The following CTNNA3 variants were observed in gnomAD, a reference collection of about 807,000 sequenced individuals.
CTNNA3 encodes the protein catenin alpha-3.
Under a neutral mutation model 95.7 loss-of-function variants are expected in CTNNA3, and 76 were observed. That is an observed-to-expected ratio of 0.79 (90% CI 0.66 to 0.96). The LOEUF (loss-of-function observed/expected upper bound fraction) is 0.96. Ranked by LOEUF, CTNNA3 falls within the 40% of genes least tolerant of loss-of-function variation. CTNNA3 has a pLI of 0.00. For synonymous variants in CTNNA3, 431 were observed against 374.4 expected, an observed-to-expected ratio of 1.15 and a Z score of -1.74; for missense variants, 1,191 against 1,089.8, an observed-to-expected ratio of 1.09 and a Z score of -1.31.
intron 2 of CTNNA3, among the ~76,000 whole-genome samples, chr10:67,622,517 T>G (rs1190775150): frequency 6.6e-6 from 1 of 152,188 alleles, no homozygotes; most frequent in Non-Finnish European, 1.5e-5. Context: ...GGAAGCAAGC[T>G]GAGAAGAGGT....
intron 7 of CTNNA3, among the ~76,000 whole-genome samples, chr10:67,136,755 C>T (rs1860324505): frequency 6.6e-6 from 1 of 152,140 alleles, no homozygotes; most frequent in Admixed American, 6.5e-5. Flanking sequence ...AATCTATGAA[C>T]CCAGCACAAG....
intron 6 of CTNNA3, among the ~76,000 whole-genome samples, chr10:67,198,986 G>A (rs1432311137): frequency 2.0e-5 from 3 of 151,894 alleles, no homozygotes; most frequent in African/African-American, 7.3e-5. Context: ...GGAGGAGGGG[G>A]AGATGGAGGA....
intron 14 of CTNNA3, among the ~76,000 whole-genome samples, chr10:66,101,994 G>A (rs1223491387): frequency 6.6e-6 from 1 of 151,982 alleles, no homozygotes; most frequent in African/African-American, 2.4e-5. Flanking sequence ...TTAAGGAAAT[G>A]TGCACTAACA....
intron 3 of CTNNA3, among the ~76,000 whole-genome samples, chr10:67,541,911 G>GAATACTGTC (rs1840695774): frequency 6.6e-6 from 1 of 151,992 alleles, no homozygotes; most frequent in Admixed American, 6.6e-5. Flanking sequence ...AGCCTTTTTA[G>GAATACTGTC]AATACTGTCT....
intron 5 of CTNNA3, among the ~76,000 whole-genome samples, chr10:67,418,433 A>G (rs1408616053): frequency 1.3e-5 from 2 of 152,118 alleles, no homozygotes; most frequent in Non-Finnish European, 2.9e-5. Flanking sequence ...CAAGATAAGA[A>G]ATCAACCTGT....
intron 5 of CTNNA3, among the ~76,000 whole-genome samples, chr10:67,441,086 T>G (rs183605431): frequency 6.6e-6 from 1 of 152,022 alleles, no homozygotes; most frequent in African/African-American, 2.4e-5. Context: ...TTCCATCAGA[T>G]AAATTTAACA....
chr10:66,921,482 C>T (rs1473248312), intron 7 of CTNNA3, among the ~76,000 whole-genome samples: 1 of 152,196 alleles, frequency 6.6e-6, no homozygotes, highest in African/African-American at 2.4e-5. Flanking sequence ...TCATCCAAAG[C>T]CCTCCATGAC....
intron 3 of CTNNA3, among the ~76,000 whole-genome samples, chr10:67,588,163 T>TA (rs1250137694): frequency 6.6e-6 from 1 of 150,736 alleles, no homozygotes; most frequent in Non-Finnish European, 1.5e-5. Flanking sequence ...CGAGCTTCCT[T>TA]AAAATCAGTA....
chr10:67,597,251 T>C (rs1287360200), intron 3 of CTNNA3, among the ~76,000 whole-genome samples: 1 of 152,202 alleles, frequency 6.6e-6, no homozygotes, highest in Non-Finnish European at 1.5e-5. Flanking sequence ...AATTCTGAAT[T>C]CTATGCTGTC....
chr10:67,356,672 T>C (rs555792718), intron 5 of CTNNA3, among the ~76,000 whole-genome samples: 1 of 152,178 alleles, frequency 6.6e-6, no homozygotes, highest in East Asian at 1.9e-4. Context: ...GCCCTCTCAT[T>C]CTTTGATAAC....
chr10:66,413,444 T>C (rs1046750289), intron 11 of CTNNA3, among the ~76,000 whole-genome samples: 1 of 152,210 alleles, frequency 6.6e-6, no homozygotes, highest in African/African-American at 2.4e-5. Flanking sequence ...AATTACTATA[T>C]TTTCAAACAG....
chr10:66,260,395 A>T (rs1350238911), intron 13 of CTNNA3, among the ~76,000 whole-genome samples: 1 of 152,086 alleles, frequency 6.6e-6, no homozygotes, highest in South Asian at 2.1e-4. Flanking sequence ...CCAAGACCTA[A>T]GTTCCCATTC....
At chr10:65,966,809 G>C in intron 16 of CTNNA3, 63 bp from the exon 17 acceptor site, 1 of 1,297,420 alleles carries the variant, frequency 7.7e-7, no homozygotes, top group Non-Finnish European at 1.1e-6. Context: ...ATCAAGGTGA[G>C]TAAATACAGT....
In CTNNA3 at chr10:66,334,367, G is replaced by A. The variant is rs557602179; in HGVS notation, c.1732+44785C>T. ...GCATGTTTTTGCAGTGGCTGGTACC[G>A]GTTGTTCCTTTCCATGTGTAGTGCT... is the stretch of plus-strand genomic sequence containing the variant. On this transcript the variant is annotated intron_variant, in intron 12 of 17. Transcript: ENST00000433211. Among the ~76,000 whole-genome samples, 805 of 151,908 alleles carry A rather than the reference G, an allele frequency of 5.3e-3. 11 individuals are homozygous for A. The highest frequency in any genetic ancestry group is 8.9e-3 in the Non-Finnish European group (601 of 67,866).
At chr10:67,151,282 A>T (rs1861080644) in intron 7 of CTNNA3, among the ~76,000 whole-genome samples, 2 of 152,192 alleles carry the variant, frequency 1.3e-5, no homozygotes, top group African/African-American at 4.8e-5. Context: ...CTGTATGTAG[A>T]ACCACGAGAA....
intron 5 of CTNNA3, among the ~76,000 whole-genome samples, chr10:67,353,660 G>A (rs1033181851): frequency 6.6e-5 from 10 of 151,924 alleles, no homozygotes; most frequent in Non-Finnish European, 1.5e-4. Flanking sequence ...AATGAAAGGA[G>A]TATGATGATG....
chr10:67,677,863 G>T (rs1365784319), intron 1 of CTNNA3, among the ~76,000 whole-genome samples: 3 of 152,088 alleles, frequency 2.0e-5, no homozygotes, highest in Admixed American at 2.0e-4. Flanking sequence ...AAGGTGAATC[G>T]AATTGCTTCA....
chr10:67,554,256 A>C (rs1841147039), intron 3 of CTNNA3, among the ~76,000 whole-genome samples: 1 of 152,276 alleles, frequency 6.6e-6, no homozygotes, highest in Non-Finnish European at 1.5e-5. Context: ...ATGATTTATA[A>C]TACTTTGGAT....
At chr10:65,921,983 C>T (rs928602774) in intron 17 of CTNNA3, among the ~76,000 whole-genome samples, 2 of 152,030 alleles carry the variant, frequency 1.3e-5, no homozygotes, top group African/African-American at 4.8e-5. Flanking sequence ...CATAGCAACC[C>T]TATGAGGTAA....
Sources: allele counts gnomAD v4.1 joint callset (sites outside exome capture counted in the v4.1 genomes callset), GRCh38; gene constraint gnomAD v4.1.1; transcripts MANE v1.5; gene names NCBI Gene and HGNC (gene_info 2026-07-23, HGNC 2026-07-21).